PAAF1: variants seen among roughly 807,000 people sequenced by gnomAD.
PAAF1 encodes proteasomal ATPase associated factor 1.
PAAF1 carries 46 observed loss-of-function variants against 52.8 expected under a neutral mutation model. The observed-to-expected ratio is 0.87, with a 90% CI of 0.69 to 1.11. PAAF1 has a LOEUF of 1.11. Ranked by LOEUF, PAAF1 falls within the 50% of genes most tolerant of loss-of-function variation. The pLI is 0.00. For missense variants in PAAF1, 424 were observed against 477.4 expected (o/e 0.89, Z 1.04); for synonymous variants, 178 against 172.8 (o/e 1.03, Z -0.24).
chr11:73,912,289 G>T (rs779128477), intron 7 of PAAF1, among the ~76,000 whole-genome samples: 1 of 152,090 alleles, frequency 6.6e-6, no homozygotes, highest in Non-Finnish European at 1.5e-5. Flanking sequence ...CTATTTCGAT[G>T]TCTAATAAAT....
intron 10 of PAAF1, chr11:73,922,073 A>G (rs1950234044): frequency 4.6e-6 from 4 of 862,396 alleles, no homozygotes; most frequent in Admixed American, 3.6e-5. Context: ...CATCCACAGT[A>G]TCTGTATCTT....
rs185162880 is a variant in PAAF1 at position 73,922,632 on chromosome 11, A to G, written c.1019-1983A>G. On this transcript the variant is annotated intron_variant, in intron 10 of 11. Coordinates refer to ENST00000310571, the MANE Select transcript of PAAF1 (RefSeq NM_025155.3). ...GGAGATCGAGACCATCCTGGCTAAC[A>G]TGGTGAAACCCCGTCTCTACTAAAA... Among the ~76,000 whole-genome samples the G allele has an allele frequency of 3.4e-4, 51 of 152,198 alleles. 2 individuals carry two copies. The East Asian group carries it at 9.7e-3, about 29-fold the overall frequency.
chr11:73,877,301 G>C (rs1948768866), intron 1 of PAAF1: 1 of 373,118 alleles, frequency 2.7e-6, no homozygotes, highest in East Asian at 4.1e-5. Context: ...GTCAGAACTA[G>C]TATCAGTGAG....
chr11:73,877,995 A>AAT (rs1324028188), intron 1 of PAAF1, among the ~76,000 whole-genome samples: 1 of 152,236 alleles, frequency 6.6e-6, no homozygotes, highest in East Asian at 1.9e-4. Context: ...CTTCAGGATG[A>AAT]ATATAGCAGT....
intron 4 of PAAF1, among the ~76,000 whole-genome samples, chr11:73,892,911 C>T (rs777031354): frequency 5.9e-5 from 9 of 152,164 alleles, no homozygotes; most frequent in South Asian, 2.1e-4. Context: ...CCGCCCACCT[C>T]GGCCTCCCAG....
At chr11:73,915,027 C>A (rs2135214835) in intron 8 of PAAF1, among the ~76,000 whole-genome samples, 1 of 152,126 alleles carries the variant, frequency 6.6e-6, no homozygotes, top group East Asian at 1.9e-4. Flanking sequence ...TCTTGTGCAG[C>A]ACTTGCAGAG....
intron 2 of PAAF1, chr11:73,880,183 T>G (rs1465926068): frequency 6.6e-6 from 1 of 151,980 alleles, no homozygotes; most frequent in African/African-American, 2.4e-5. Flanking sequence ...ATTATGCTAC[T>G]GGACCTCCTA....
intron 2 of PAAF1, among the ~76,000 whole-genome samples, chr11:73,883,835 C>T (rs1390256183): frequency 6.6e-6 from 1 of 152,140 alleles, no homozygotes; most frequent in Admixed American, 6.6e-5. Context: ...TTGTTTTTAT[C>T]AGTACTTCGT....
chr11:73,920,402 A>G (rs1460684839), intron 10 of PAAF1, among the ~76,000 whole-genome samples: 1 of 151,912 alleles, frequency 6.6e-6, no homozygotes, highest in African/African-American at 2.4e-5. Context: ...ATGGTGGTTC[A>G]TTTCTGTGGT....
intron 4 of PAAF1, among the ~76,000 whole-genome samples, chr11:73,897,560 A>G (rs1565134593): frequency 6.6e-6 from 1 of 150,802 alleles, no homozygotes; most frequent in Non-Finnish European, 1.5e-5. Context: ...GGCCGGGCAG[A>G]GACGCTCCTC....
chr11:73,925,146 G>C (rs1476804485), intron 11 of PAAF1, among the ~76,000 whole-genome samples: 1 of 133,416 alleles, frequency 7.5e-6, no homozygotes, highest in Non-Finnish European at 1.5e-5. Context: ...AACAGAGTGA[G>C]ACTCCATCTC....
intron 11 of PAAF1, among the ~76,000 whole-genome samples, chr11:73,925,081 G>C (rs563221556): frequency 6.6e-6 from 1 of 151,518 alleles, no homozygotes; most frequent in Admixed American, 6.6e-5. Flanking sequence ...CTTGAACCTG[G>C]GAGGTGGAGG....
chr11:73,894,680 T>G (rs1949297396), intron 4 of PAAF1, among the ~76,000 whole-genome samples: 1 of 151,592 alleles, frequency 6.6e-6, no homozygotes, highest in Admixed American at 6.6e-5. Context: ...AAAAATCAGC[T>G]GGGCATGGTG....
rs1390717973 is a variant in PAAF1 at position 73,910,006 on chromosome 11, C to T, written c.727+413C>T. On this transcript the variant is annotated intron_variant, in intron 7 of 11. Transcript: ENST00000310571. Reference sequence around the variant, plus strand: ...TTGTGTTGGGCCTCATTCAGAGCCACCCTGGGCTGCAGGTTGGACAAGCTT... The same window carrying T: ...TTGTGTTGGGCCTCATTCAGAGCCATCCTGGGCTGCAGGTTGGACAAGCTT... Among the ~76,000 whole-genome samples, 3 of 152,310 alleles carry T rather than the reference C, an allele frequency of 2.0e-5. No individual in the cohort carries two copies. The East Asian group carries it at 5.8e-4, about 29-fold the overall frequency.
At chr11:73,896,790 C>T (rs903752319) in intron 4 of PAAF1, among the ~76,000 whole-genome samples, 1 of 152,196 alleles carries the variant, frequency 6.6e-6, no homozygotes, top group Non-Finnish European at 1.5e-5. Context: ...GTCCTCATGG[C>T]CCGTTCTCAA....
intron 7 of PAAF1, among the ~76,000 whole-genome samples, chr11:73,914,081 C>T (rs12804029): frequency 0.056 from 8,595 of 152,192 alleles, 274 homozygotes; most frequent in Middle Eastern, 0.099. Context: ...CACACACACA[C>T]AGGCACATTT....
In PAAF1 at chr11:73,878,814, C is replaced by T. The variant is rs748510912; in HGVS notation, c.83C>T (p.Pro28Leu). Residue 28 changes from proline (P) to leucine (L), a missense_variant, in exon 2 of 12, where the codon CCC (proline) becomes CTC (leucine). By Grantham distance (98) the Pro-to-Leu change is moderately conservative. Coordinates refer to ENST00000310571, the MANE Select transcript of PAAF1 (RefSeq NM_025155.3). ...GGGGAGGCCTGGCTGAGCTGTCATC[C>T]CCCAGGTAATACCCATGAATTATAT... ...DEGEAWLSCH[P>L]PGKPSLYGSL... The T allele has an allele frequency of 2.5e-5, 40 of 1,613,348 alleles. No individual in the cohort carries two copies. The highest frequency in any genetic ancestry group is 3.4e-5 in the Non-Finnish European group (40 of 1,179,642).
intron 4 of PAAF1, among the ~76,000 whole-genome samples, chr11:73,895,149 A>G (rs1383554903): frequency 6.6e-6 from 1 of 152,194 alleles, no homozygotes; most frequent in East Asian, 1.9e-4. Flanking sequence ...CATGCTAGAG[A>G]TGTGGGACTA....
intron 10 of PAAF1, among the ~76,000 whole-genome samples, chr11:73,922,377 TCA>T (rs1950244463): frequency 6.6e-6 from 1 of 152,056 alleles, no homozygotes; most frequent in Non-Finnish European, 1.5e-5. Flanking sequence ...AAACCACATT[TCA>T]GTTAATTATA....
Sources: allele counts gnomAD v4.1 joint callset (sites outside exome capture counted in the v4.1 genomes callset), GRCh38; gene constraint gnomAD v4.1.1; transcripts MANE v1.5; gene names NCBI Gene and HGNC (gene_info 2026-07-23, HGNC 2026-07-21).